The following BTG4 variants were observed in gnomAD, a reference collection of about 807,000 sequenced individuals.
BTG4 encodes BTG anti-proliferation factor 4.
A neutral mutation model predicts 19.3 loss-of-function variants in BTG4; 10 were observed. That is an observed-to-expected ratio of 0.52 (90% CI 0.32 to 0.88). The LOEUF (loss-of-function observed/expected upper bound fraction) is 0.88. BTG4 is among the 40% of genes least tolerant of loss of function. The pLI is 0.04. For synonymous variants in BTG4, 91 were observed against 95.7 expected (o/e 0.95, Z 0.29); for missense variants, 238 against 281.9 (o/e 0.84, Z 1.11).
the BTG4 span, among the ~76,000 whole-genome samples, chr11:111,424,018 G>A: frequency 8.5e-5 from 13 of 152,116 alleles, no homozygotes; most frequent in South Asian, 2.1e-4. Flanking sequence ...CACCAGTGGT[G>A]ACAGAAGCCT....
the BTG4 span, among the ~76,000 whole-genome samples, chr11:111,437,691 C>T: frequency 6.6e-6 from 1 of 152,142 alleles, no homozygotes; most frequent in South Asian, 2.1e-4. Context: ...CCCATTGCAT[C>T]CCCACCACTA....
downstream of BTG4, chr11:111,463,567 G>T (rs982786174): frequency 6.6e-6 from 1 of 152,570 alleles, no homozygotes; most frequent in South Asian, 2.1e-4. Flanking sequence ...GCTACACTTA[G>T]AATTCCCAGC....
At chr11:111,479,350 C>T (rs974239957) in intron 5 of BTG4, among the ~76,000 whole-genome samples, 1 of 152,026 alleles carries the variant, frequency 6.6e-6, no homozygotes, top group Non-Finnish European at 1.5e-5. Flanking sequence ...TGACTCATGC[C>T]TGTAATCCCA....
In BTG4 at chr11:111,488,102, T is replaced by C. The variant is rs571857071; in HGVS notation, c.662+7061A>G. ...CATTCTTCACAGAAATAAAAAAAAA[T>C]TCTAAAATGTATATGGAATCACAAA... On this transcript the variant is annotated intron_variant, in intron 5 of 5. Coordinates refer to the BTG4 transcript ENST00000356018. Among the ~76,000 whole-genome samples the C allele has an allele frequency of 1.1e-4, 16 of 152,044 alleles. No homozygotes were observed. The South Asian group carries it at 3.3e-3, about 32-fold the overall frequency.
the BTG4 span, among the ~76,000 whole-genome samples, chr11:111,413,058 G>A: frequency 6.6e-6 from 1 of 152,196 alleles, no homozygotes; most frequent in African/African-American, 2.4e-5. Flanking sequence ...AGAGTCAGAG[G>A]CCACTGGGGT....
chr11:111,488,435 TG>T (rs1376160707), intron 5 of BTG4, among the ~76,000 whole-genome samples: 99 of 152,204 alleles, frequency 6.5e-4, no homozygotes, highest in Non-Finnish European at 1.1e-3. Flanking sequence ...TCTTGCCATA[TG>T]TAGAAATCCA....
At chr11:111,509,904 CTTTTTTCTTTTTT>C (rs1866744616) in intron 1 of BTG4, among the ~76,000 whole-genome samples, 2 of 138,572 alleles carry the variant, frequency 1.4e-5, no homozygotes, top group Admixed American at 1.5e-4. Flanking sequence ...TTTCTTTTTT[CTTTTTTCTTTTTT>C]TTTTTTTTTT....
the BTG4 span, chr11:111,450,623 CT>C: frequency 6.6e-6 from 1 of 152,268 alleles, no homozygotes; most frequent in Non-Finnish European, 1.5e-5. Context: ...TCTGACCCCC[CT>C]CAATGTTTCA....
intron 5 of BTG4, among the ~76,000 whole-genome samples, chr11:111,472,077 A>G (rs1176093345): frequency 6.6e-6 from 1 of 152,210 alleles, no homozygotes; most frequent in Non-Finnish European, 1.5e-5. Context: ...GGCTTCCTCA[A>G]GTCCACCCTT....
chr11:111,502,138 A>ATT (rs879740173), intron 1 of BTG4, among the ~76,000 whole-genome samples: 1 of 143,630 alleles, frequency 7.0e-6, no homozygotes, highest in Non-Finnish European at 1.5e-5. Flanking sequence ...TACCCCAGAC[A>ATT]TTTTTTTTTT....
At chr11:111,414,535 C>T in the BTG4 span, 4 of 152,210 alleles carry the variant, frequency 2.6e-5, no homozygotes, top group Admixed American at 6.5e-5. Context: ...ATGGTGTTCT[C>T]GTCCGGGCAG....
At chr11:111,432,182 G>A in the BTG4 span, among the ~76,000 whole-genome samples, 6 of 152,164 alleles carry the variant, frequency 3.9e-5, no homozygotes, top group African/African-American at 1.2e-4. Flanking sequence ...CCTGCCCTCA[G>A]GTAGCTGACA....
At chr11:111,384,900 A>G in the BTG4 span, 1 of 152,130 alleles carries the variant, frequency 6.6e-6, no homozygotes. Flanking sequence ...GTGGCCCTTA[A>G]GGAGATCAAA....
At chr11:111,419,032 A>G in the BTG4 span, among the ~76,000 whole-genome samples, 7 of 152,260 alleles carry the variant, frequency 4.6e-5, no homozygotes, top group African/African-American at 1.7e-4. Context: ...TCTTCCCTCT[A>G]TACCTATCTG....
In BTG4 at chr11:111,497,221, C is replaced by G. The variant is rs748631356; in HGVS notation, c.500G>C (p.Ser167Thr). Residue 167 changes from serine to threonine, a missense_variant, in exon 4 of 5, where the codon AGT becomes ACT. Coordinates refer to ENST00000692032, the MANE Select transcript of BTG4 (RefSeq NM_001367975.1). The part of the protein sequence containing the change: ...RVIPKVSNPK[S>T]IYQVENLKQP... The stretch of plus-strand genomic sequence containing the variant: ...TGGAACACTCTTGACCTGATAAATA[C>G]TCTTCGGATTGCTGACTTTAGGAAT... 3 of 1,613,002 alleles carry G rather than the reference C, an allele frequency of 1.9e-6. No homozygotes were observed. The highest frequency in any genetic ancestry group is 1.3e-5 in the African/African-American group (1 of 74,826).
chr11:111,513,121 C>T (rs2187473), upstream of BTG4: 68,235 of 405,722 alleles, frequency 0.17, 6,717 homozygotes, highest in South Asian at 0.3. Context: ...GTGGGTCCTG[C>T]GCAGCCTGCC....
upstream of BTG4, chr11:111,512,873 C>T (rs1230982613): frequency 2.4e-6 from 1 of 415,554 alleles, no homozygotes; most frequent in African/African-American, 2.2e-5. Flanking sequence ...AAATGGGGTC[C>T]GAGGCGGGCC....
At chr11:111,477,985 C>G (rs1020631612) in intron 5 of BTG4, among the ~76,000 whole-genome samples, 1 of 152,118 alleles carries the variant, frequency 6.6e-6, no homozygotes, top group African/African-American at 2.4e-5. Flanking sequence ...GAGCAGAGAA[C>G]TGGGAATTTT....
the BTG4 span, among the ~76,000 whole-genome samples, chr11:111,428,313 A>G: frequency 6.6e-6 from 1 of 152,198 alleles, no homozygotes; most frequent in African/African-American, 2.4e-5. Context: ...ACCCTTCTCT[A>G]TGATGACGTC....
Sources: gnomAD v4.1 joint callset for allele counts (sites outside exome capture counted in the v4.1 genomes callset) on GRCh38, gnomAD v4.1.1 for gene constraint, MANE v1.5 for transcripts, NCBI Gene and HGNC (gene_info 2026-07-23, HGNC 2026-07-21) for gene names.